BCAS1: variants seen among roughly 807,000 people sequenced by gnomAD.
The protein encoded by BCAS1 is brain enriched myelin associated protein 1.
In BCAS1, 46 loss-of-function variants were observed where a neutral mutation model predicts 65.4. That is an observed-to-expected ratio of 0.70 (90% CI 0.55 to 0.90). The LOEUF (loss-of-function observed/expected upper bound fraction) is 0.90. BCAS1 is among the 40% of genes least tolerant of loss of function. The pLI, the probability that BCAS1 is intolerant of heterozygous loss-of-function variation, is 0.00. For missense variants in BCAS1, 793 were observed against 771.2 expected (o/e 1.03, Z -0.33); for synonymous variants, 298 against 293.5 (o/e 1.02, Z -0.16).
intron 10 of BCAS1, among the ~76,000 whole-genome samples, chr20:53,959,983 C>T (rs540135905): frequency 1.1e-3 from 160 of 152,270 alleles, no homozygotes; most frequent in African/African-American, 3.8e-3. Context: ...AAGCTTTGGA[C>T]ACGTAAGGAT....
At position 53,985,509 on chromosome 20, in the gene BCAS1, T is replaced by TA. The variant is rs545935348; in HGVS notation, c.1063-11dup. The TA allele has an allele frequency of 4.3e-4, 694 of 1,604,230 alleles. 4 individuals are homozygous for TA. The African/African-American group carries it at 8.1e-3, about 19-fold the overall frequency. On this transcript the variant is annotated splice_polypyrimidine_tract_variant and intron_variant, in intron 7 of 12. Transcript: ENST00000688948. Reference sequence around the variant, plus strand: ...GTGACTTTTCAGCACCCTAAAGAGTTAAAAAAAATGGAGGGAAAACATTCA... The same window carrying TA: ...GTGACTTTTCAGCACCCTAAAGAGTTAAAAAAAAATGGAGGGAAAACATTCA...
At chr20:53,971,657 GA>G (rs1568828073) in intron 9 of BCAS1, among the ~76,000 whole-genome samples, 1 of 152,188 alleles carries the variant, frequency 6.6e-6, no homozygotes, top group African/African-American at 2.4e-5. Context: ...GGAGAGCCCT[GA>G]ATTAAATTTT....
chr20:54,041,610 C>T (rs1288221124), intron 3 of BCAS1, among the ~76,000 whole-genome samples: 4 of 152,014 alleles, frequency 2.6e-5, no homozygotes, highest in Non-Finnish European at 4.4e-5. Context: ...TGGCTGGGTA[C>T]GGTGGCTTAA....
chr20:53,960,468 TTA>T (rs1491174393), intron 10 of BCAS1, among the ~76,000 whole-genome samples: 1 of 87,904 alleles, frequency 1.1e-5, no homozygotes, highest in East Asian at 3.3e-4. Context: ...GTTCAACTTC[TTA>T]AAAAAAAAAA....
chr20:53,962,176 T>C (rs2089898178), intron 10 of BCAS1, among the ~76,000 whole-genome samples: 1 of 152,184 alleles, frequency 6.6e-6, no homozygotes, highest in Non-Finnish European at 1.5e-5. Flanking sequence ...AGACTTTCGG[T>C]TTTCTGTTTT....
chr20:54,002,273 A>G (rs1796066531), intron 4 of BCAS1, among the ~76,000 whole-genome samples: 1 of 152,032 alleles, frequency 6.6e-6, no homozygotes, highest in Non-Finnish European at 1.5e-5. Flanking sequence ...AACCCTCTCA[A>G]GGCAGTAGGT....
intron 10 of BCAS1, among the ~76,000 whole-genome samples, chr20:53,963,303 G>A (rs1425136543): frequency 6.6e-6 from 1 of 151,682 alleles, no homozygotes; most frequent in African/African-American, 2.4e-5. Flanking sequence ...CCAATATGGT[G>A]AAACCCTGTC....
chr20:54,005,528 C>T (rs1222101671), intron 4 of BCAS1, among the ~76,000 whole-genome samples: 2 of 152,106 alleles, frequency 1.3e-5, no homozygotes, highest in Admixed American at 6.5e-5. Context: ...TTCATCAGCC[C>T]AGTGGGTCTC....
chr20:54,061,264 C>T (rs1362214611), intron 1 of BCAS1, among the ~76,000 whole-genome samples: 1 of 152,182 alleles, frequency 6.6e-6, no homozygotes, highest in African/African-American at 2.4e-5. Flanking sequence ...CTGCATATTA[C>T]TAGCTTCCCT....
In BCAS1 at chr20:53,953,673, GT is replaced by G; in HGVS notation, c.1573del (p.Thr525LeufsTer30). ...SCQTSDSTEK[T>X]ITPPEPEPTG... ...TGGTTCAGGCTCTGGCGGTGTGATAGTCTTTTCTGTGGAGTCTGATGTCTAC... is the reference window on the plus strand; with the variant it reads ...TGGTTCAGGCTCTGGCGGTGTGATAGCTTTTCTGTGGAGTCTGATGTCTAC... On this transcript the variant is annotated frameshift_variant, in exon 12 of 13. Coordinates refer to ENST00000688948, the MANE Select transcript of BCAS1 (RefSeq NM_001366298.2). LOFTEE classifies it high-confidence loss of function. 2 of 1,613,826 alleles carry G rather than the reference GT, an allele frequency of 1.2e-6. No individual in the cohort carries two copies. Among genetic ancestry groups the G allele is most frequent in the Non-Finnish European group, 1.7e-6 (2 of 1,179,940 alleles).
rs1045461845 is a variant in BCAS1 at position 53,953,432 on chromosome 20, C to T, written c.1815G>A (p.Leu605=). Residue 605 remains leucine, a splice_region_variant and synonymous_variant, in exon 12 of 13, where the codon CTG becomes CTA. Transcript: ENST00000688948. ...QQSLGGFFKG[L]GPKRMLDAQV... is the part of the protein sequence containing the mutation. ...GAAGAGGCAAAAAAAATCCACCTAC[C>T]AGGCCTTTAAAGAAGCCCCCAAGGG... 6.2e-7 allele frequency: 1 copy of T among 1,613,710 alleles called. No individual in the cohort carries two copies. The highest frequency in any genetic ancestry group is 8.5e-7 in the Non-Finnish European group (1 of 1,179,928).
chr20:54,021,440 T>C (rs1355175893), intron 4 of BCAS1, among the ~76,000 whole-genome samples: 2 of 100,012 alleles, frequency 2.0e-5, no homozygotes, highest in Non-Finnish European at 4.8e-5. Context: ...CCTTGTCTCA[T>C]GGTGTATATG....
At chr20:53,996,158 T>A in intron 4 of BCAS1, 108 bp from the exon 5 acceptor site, 1 of 1,207,954 alleles carries the variant, frequency 8.3e-7, no homozygotes, top group East Asian at 2.4e-5. Flanking sequence ...CCAGCCATAC[T>A]TCTTCTGCCC....
At chr20:53,998,338 G>A (rs868137229) in intron 4 of BCAS1, among the ~76,000 whole-genome samples, 1 of 152,200 alleles carries the variant, frequency 6.6e-6, no homozygotes, top group Non-Finnish European at 1.5e-5. Flanking sequence ...AAAGAAAAGA[G>A]GTTTCATTGG....
chr20:53,969,478 C>T (rs572818732), intron 9 of BCAS1, among the ~76,000 whole-genome samples: 116 of 152,172 alleles, frequency 7.6e-4, no homozygotes, highest in Non-Finnish European at 1.1e-3. Context: ...ATAACATTAT[C>T]CCTATTCTAT....
chr20:53,973,071 T>C (rs1227048200), intron 9 of BCAS1, among the ~76,000 whole-genome samples: 4 of 152,062 alleles, frequency 2.6e-5, no homozygotes, highest in African/African-American at 4.8e-5. Flanking sequence ...CTACTAAAAA[T>C]ACAAAAATTA....
chr20:54,003,789 T>A (rs952037795), intron 4 of BCAS1, among the ~76,000 whole-genome samples: 4 of 152,210 alleles, frequency 2.6e-5, no homozygotes, highest in African/African-American at 9.6e-5. Flanking sequence ...TTAATAGTCT[T>A]GTTAGGTTTT....
chr20:53,954,000 C>T (rs527239691), intron 11 of BCAS1, among the ~76,000 whole-genome samples: 3 of 152,298 alleles, frequency 2.0e-5, no homozygotes, highest in Non-Finnish European at 2.9e-5. Flanking sequence ...TCCTCATCTA[C>T]TCCGTGTGGT....
At chr20:53,947,313 T>G (rs1417824346) in intron 12 of BCAS1, among the ~76,000 whole-genome samples, 2 of 152,198 alleles carry the variant, frequency 1.3e-5, no homozygotes, top group African/African-American at 4.8e-5. Flanking sequence ...TTTTTAGTGG[T>G]GGTAGTTGAA....
Sources: allele counts gnomAD v4.1 joint callset (sites outside exome capture counted in the v4.1 genomes callset), GRCh38; gene constraint gnomAD v4.1.1; transcripts MANE v1.5; gene names NCBI Gene and HGNC (gene_info 2026-07-23, HGNC 2026-07-21).